MYO18B: variants seen among roughly 807,000 people sequenced by gnomAD.
MYO18B encodes the protein myosin XVIIIB.
A neutral mutation model predicts 273.0 loss-of-function variants in MYO18B; 204 were observed. The observed-to-expected ratio is 0.75, with a 90% CI of 0.67 to 0.84. MYO18B has a LOEUF of 0.84. Ranked by LOEUF, MYO18B falls within the 40% of genes least tolerant of loss-of-function variation. The pLI is 0.00. For synonymous variants in MYO18B, 1,330 were observed against 1,305.7 expected (o/e 1.02, Z -0.40); for missense variants, 3,212 against 3,287.6 (o/e 0.98, Z 0.56).
At chr22:25,922,749 G>A (rs2092366185) in intron 34 of MYO18B, among the ~76,000 whole-genome samples, 1 of 152,196 alleles carries the variant, frequency 6.6e-6, no homozygotes, top group South Asian at 2.1e-4. Flanking sequence ...CAGGAAGACA[G>A]CAAAAGGCAG....
intron 21 of MYO18B, among the ~76,000 whole-genome samples, chr22:25,866,784 CAAAAAAA>C (rs56260207): frequency 3.0e-4 from 12 of 40,190 alleles, no homozygotes; most frequent in Admixed American, 2.8e-3. Flanking sequence ...GACTCCGTCT[CAAAAAAA>C]AAAAAAAAAA....
chr22:25,951,328 T>G (rs548883008), intron 37 of MYO18B, among the ~76,000 whole-genome samples: 3 of 152,356 alleles, frequency 2.0e-5, no homozygotes, highest in Admixed American at 2.0e-4. Flanking sequence ...CTTCATTCTT[T>G]TATTCATCAG....
chr22:25,995,289 A>T (rs1365887227), intron 40 of MYO18B, among the ~76,000 whole-genome samples: 1 of 152,228 alleles, frequency 6.6e-6, no homozygotes, highest in African/African-American at 2.4e-5. Context: ...GCTAATGGGT[A>T]CAAAAATGTA....
At chr22:25,992,259 A>G in intron 39 of MYO18B, 104 bp from the exon 40 acceptor site, 1 of 1,427,698 alleles carries the variant, frequency 7.0e-7, no homozygotes, top group Non-Finnish European at 9.7e-7. Flanking sequence ...ATAGGTGCTC[A>G]GTGAACACTA....
At chr22:26,009,747 C>T (rs984059554) in intron 42 of MYO18B, among the ~76,000 whole-genome samples, 8 of 152,250 alleles carry the variant, frequency 5.3e-5, no homozygotes, top group East Asian at 3.9e-4. Flanking sequence ...CTTTGCCTCA[C>T]GACCTTATCT....
intron 25 of MYO18B, among the ~76,000 whole-genome samples, chr22:25,889,867 A>G (rs2091610350): frequency 6.6e-6 from 1 of 152,180 alleles, no homozygotes. Flanking sequence ...AAATCACTGC[A>G]TTTCTGAGGC....
chr22:25,966,427 G>A (rs1202191477), intron 39 of MYO18B, among the ~76,000 whole-genome samples: 4 of 152,176 alleles, frequency 2.6e-5, no homozygotes, highest in African/African-American at 4.8e-5. Context: ...ACTTGAAAGC[G>A]TAAAGATGAA....
At position 25,908,386 on chromosome 22, in the gene MYO18B, A is replaced by T. The variant is rs766396815; in HGVS notation, c.5213A>T (p.Asp1738Val). Reference protein sequence around the residue: ...MKQMHQKDREDQEEELEDVRQ... With the variant: ...MKQMHQKDREVQEEELEDVRQ... ...CAGATGCACCAGAAGGACCGTGAGG[A>T]CCAGGAGGAGGAACTGGAGGATGTC... The change falls in exon 32 of 44, where the codon GAC (aspartate) becomes GTC (valine). Residue 1738 changes from aspartate to valine, a missense_variant. Coordinates refer to ENST00000335473, the MANE Select transcript of MYO18B (RefSeq NM_032608.7). The T allele has an allele frequency of 1.2e-5, 20 of 1,603,264 alleles. No individual in the cohort carries two copies. The South Asian group carries it at 2.3e-4, about 18-fold the overall frequency.
intron 40 of MYO18B, among the ~76,000 whole-genome samples, chr22:25,996,623 A>G (rs1933274073): frequency 6.6e-6 from 1 of 152,086 alleles, no homozygotes; most frequent in South Asian, 2.1e-4. Context: ...GATAAATAAA[A>G]CACGAGAATA....
chr22:25,777,733 C>G lies in MYO18B; in HGVS notation c.2020C>G (p.Leu674Val), dbSNP rs765170961. Residue 674 changes from leucine to valine, a missense_variant, in exon 8 of 44, where the codon CTG becomes GTG. Transcript: ENST00000335473. ...AGKTTCCEQV[L>V]EHLVGMAGSV... ...GAAGACCACCTGCTGTGAGCAGGTCCTGGAACACCTGGTGGGGATGGCAGG... is the reference window on the plus strand; with the variant it reads ...GAAGACCACCTGCTGTGAGCAGGTCGTGGAACACCTGGTGGGGATGGCAGG... 1.9e-6 allele frequency: 3 copies of G among 1,609,342 alleles called. No individual in the cohort carries two copies. In the Admixed American group the frequency reaches 5.1e-5, roughly 27 times the overall value.
At position 25,928,353 on chromosome 22, in the gene MYO18B, G is replaced by T. The variant is rs199762739; in HGVS notation, c.5517+6944G>T. ...GAGACAGAGGGAGGTCTTTTTCTCT[G>T]AGCCCAGGAGTTTGAGACCAGCCTG... On this transcript the variant is annotated intron_variant, in intron 34 of 43. Transcript: ENST00000335473. 2.9e-4 allele frequency among the ~76,000 whole-genome samples: 42 copies of T among 145,934 alleles called. No homozygotes were observed. In the East Asian group the frequency reaches 8.5e-3, roughly 30 times the overall value.
chr22:25,856,869 G>A (rs1027275740), intron 21 of MYO18B, among the ~76,000 whole-genome samples: 1 of 152,160 alleles, frequency 6.6e-6, no homozygotes, highest in East Asian at 1.9e-4. Flanking sequence ...GCAGGGGCGT[G>A]GCATAGCAGA....
At chr22:25,890,282 T>C (rs940765228) in intron 25 of MYO18B, among the ~76,000 whole-genome samples, 1 of 152,192 alleles carries the variant, frequency 6.6e-6, no homozygotes, top group Non-Finnish European at 1.5e-5. Flanking sequence ...AGAGAGGTGG[T>C]CTGGTGGAGA....
intron 42 of MYO18B, among the ~76,000 whole-genome samples, chr22:26,015,677 G>T (rs536470662): frequency 6.6e-6 from 1 of 152,088 alleles, no homozygotes; most frequent in African/African-American, 2.4e-5. Context: ...GGAGGGAGAG[G>T]ATCAGAAAAA....
At chr22:25,874,230 C>T in intron 22 of MYO18B, 56 bp from the exon 23 acceptor site, 1 of 1,605,536 alleles carries the variant, frequency 6.2e-7, no homozygotes, top group East Asian at 2.2e-5. Flanking sequence ...AGCACCCCCC[C>T]ATTGTAGACA....
Position 25,921,815 on chromosome 22 carries a change from A to AGTGTGT in MYO18B, c.5517+442_5517+447dup, listed in dbSNP as rs71191088. 3.0e-3 allele frequency among the ~76,000 whole-genome samples: 397 copies of AGTGTGT among 130,546 alleles called. 2 individuals are homozygous for AGTGTGT. The highest frequency in any genetic ancestry group is 7.3e-3 in the Middle Eastern group (2 of 274). The allele number at this position is 130,546 out of a possible 152,430, so 85.6% of individuals were successfully genotyped here. On this transcript the variant is annotated intron_variant, in intron 34 of 43. Coordinates refer to ENST00000335473, the MANE Select transcript of MYO18B (RefSeq NM_032608.7). Reference sequence around the variant, plus strand: ...GACTAGGTATGAGCCAAATAGCAATAGTGTGTGTGTGTGTGTGTGTGTGTG... The same window carrying AGTGTGT: ...GACTAGGTATGAGCCAAATAGCAATAGTGTGTGTGTGTGTGTGTGTGTGTGTGTGTG...
At chr22:25,888,182 C>T (rs1230861077) in intron 25 of MYO18B, among the ~76,000 whole-genome samples, 1 of 152,144 alleles carries the variant, frequency 6.6e-6, no homozygotes, top group African/African-American at 2.4e-5. Flanking sequence ...TAAAAATCAC[C>T]CTGGAGCAGG....
chr22:25,807,395 C>T (rs2088527724), intron 12 of MYO18B, among the ~76,000 whole-genome samples: 1 of 152,206 alleles, frequency 6.6e-6, no homozygotes, highest in Non-Finnish European at 1.5e-5. Context: ...CTGAAGGAAT[C>T]AGCCCCAAAG....
chr22:25,768,242 G>A lies in MYO18B; in HGVS notation c.326G>A (p.Ser109Asn). The change falls in exon 4 of 44, where the codon AGC becomes AAC. Residue 109 changes from serine (S) to asparagine (N), a missense_variant. By Grantham distance (46) the Ser-to-Asn change is conservative. Coordinates refer to ENST00000335473, the MANE Select transcript of MYO18B (RefSeq NM_032608.7). ...AGCTCAGACATTCTGGGCAAGGAGA[G>A]CGAGGGGTCCCGCAGCCCCGACCCT... ...PGSSDILGKESEGSRSPDPEQ... is the reference protein window; with the variant it reads ...PGSSDILGKENEGSRSPDPEQ... 5 of 1,614,010 alleles carry A rather than the reference G, an allele frequency of 3.1e-6. No individual in the cohort carries two copies. The highest frequency in any genetic ancestry group is 3.4e-6 in the Non-Finnish European group (4 of 1,179,904).
Sources: gnomAD v4.1 joint callset for allele counts (sites outside exome capture counted in the v4.1 genomes callset) on GRCh38, gnomAD v4.1.1 for gene constraint, MANE v1.5 for transcripts, NCBI Gene and HGNC (gene_info 2026-07-23, HGNC 2026-07-21) for gene names.